The following DGKB variants were observed in gnomAD, a reference collection of about 807,000 sequenced individuals.
DGKB encodes the protein 90 kDa diacylglycerol kinase.
Under a neutral mutation model 114.3 loss-of-function variants are expected in DGKB, and 67 were observed. The observed-to-expected ratio is 0.59, with a 90% confidence interval of 0.48 to 0.72. The LOEUF is 0.72. Among genes scored for constraint, DGKB ranks in the 30% least tolerant of loss-of-function variants. The pLI is 0.00. For synonymous variants in DGKB, 398 were observed against 323.1 expected (o/e 1.23, Z -2.49); for missense variants, 907 against 975.2 (o/e 0.93, Z 0.93).
At chr7:14,690,896 TCA>T (rs1822731032) in intron 9 of DGKB, among the ~76,000 whole-genome samples, 1 of 152,204 alleles carries the variant, frequency 6.6e-6, no homozygotes, top group East Asian at 1.9e-4. Context: ...GTAATCAGAA[TCA>T]CAAAGCCATC....
chr7:14,649,610 A>G (rs1451768799), intron 13 of DGKB, among the ~76,000 whole-genome samples: 1 of 151,678 alleles, frequency 6.6e-6, no homozygotes, highest in Non-Finnish European at 1.5e-5. Context: ...TCACCAGCTA[A>G]CATCATAATG....
chr7:14,862,918 A>C (rs1400828923), intron 1 of DGKB, among the ~76,000 whole-genome samples: 1 of 151,606 alleles, frequency 6.6e-6, no homozygotes, highest in Non-Finnish European at 1.5e-5. Context: ...CTAACCTTTG[A>C]TTTTTTTTCT....
intron 13 of DGKB, among the ~76,000 whole-genome samples, chr7:14,636,269 C>T (rs995646255): frequency 6.6e-6 from 1 of 151,644 alleles, no homozygotes; most frequent in East Asian, 1.9e-4. Context: ...ACTCTTTTCC[C>T]CCGACCATAT....
Position 14,585,472 on chromosome 7 carries a change from G to T in DGKB, c.1434-2335C>A, listed in dbSNP as rs78605246. Among the ~76,000 whole-genome samples, 240 of 152,240 alleles carry T rather than the reference G, an allele frequency of 1.6e-3. 1 individual carries two copies. The highest frequency in any genetic ancestry group is 7.0e-3 in the South Asian group (34 of 4,830). On this transcript the variant is annotated intron_variant, in intron 17 of 25. Transcript: ENST00000402815. ...TACATTGGTACTCAGATTCATTCAT[G>T]TTGTAGCTGAAGCTTTTCCCACGTG...
chr7:14,539,129 A>C (rs1252505843), intron 20 of DGKB, among the ~76,000 whole-genome samples: 1 of 152,104 alleles, frequency 6.6e-6, no homozygotes, highest in African/African-American at 2.4e-5. Flanking sequence ...ATCAGAGTAG[A>C]TATCCTGTTA....
At chr7:14,372,342 T>A (rs921295197) in intron 21 of DGKB, among the ~76,000 whole-genome samples, 9 of 152,328 alleles carry the variant, frequency 5.9e-5, no homozygotes, top group Admixed American at 5.2e-4. Context: ...GATCTTTATG[T>A]ACTATCCTGC....
intron 1 of DGKB, among the ~76,000 whole-genome samples, chr7:14,948,652 A>G (rs957472772): frequency 6.6e-6 from 1 of 151,820 alleles, no homozygotes; most frequent in African/African-American, 2.4e-5. Context: ...AACAGACTAA[A>G]ATTCTGTCAG....
chr7:14,684,743 T>C (rs1411509920), intron 10 of DGKB, among the ~76,000 whole-genome samples: 3 of 152,160 alleles, frequency 2.0e-5, no homozygotes, highest in Non-Finnish European at 2.9e-5. Context: ...GCATTGAAAA[T>C]AATAGGCTTG....
intron 25 of DGKB, among the ~76,000 whole-genome samples, chr7:14,153,510 A>G (rs1243679106): frequency 6.6e-6 from 1 of 152,082 alleles, no homozygotes; most frequent in Non-Finnish European, 1.5e-5. Context: ...GGGTTCTGCT[A>G]CCTGCATAAC....
intron 6 of DGKB, 68 bp downstream of exon 6, chr7:14,718,474 T>C: frequency 7.1e-7 from 1 of 1,407,748 alleles, no homozygotes; most frequent in Non-Finnish European, 9.5e-7. Context: ...CAATTTTAAG[T>C]TAATCAATAT....
At chr7:14,614,065 G>A (rs1447622956) in intron 15 of DGKB, among the ~76,000 whole-genome samples, 7 of 152,140 alleles carry the variant, frequency 4.6e-5, no homozygotes, top group Admixed American at 4.6e-4. Flanking sequence ...GAATTGACTC[G>A]ACTATACGTC....
intron 22 of DGKB, among the ~76,000 whole-genome samples, chr7:14,340,739 G>C (rs886467078): frequency 1.3e-5 from 2 of 151,712 alleles, no homozygotes; most frequent in Non-Finnish European, 1.5e-5. Flanking sequence ...TTTCCCTGCT[G>C]TTAATTTATA....
chr7:14,764,722 T>A (rs1408218830), intron 2 of DGKB, among the ~76,000 whole-genome samples: 2 of 151,818 alleles, frequency 1.3e-5, no homozygotes, highest in Non-Finnish European at 2.9e-5. Flanking sequence ...GAATATATAT[T>A]TTGTCTGATT....
intron 16 of DGKB, among the ~76,000 whole-genome samples, chr7:14,608,571 G>A (rs564156450): frequency 6.6e-6 from 1 of 151,908 alleles, no homozygotes; most frequent in Non-Finnish European, 1.5e-5. Context: ...CATAGTTCTG[G>A]AAGTTCTAAT....
intron 23 of DGKB, among the ~76,000 whole-genome samples, chr7:14,328,729 A>C (rs1477416658): frequency 6.6e-6 from 1 of 152,018 alleles, no homozygotes; most frequent in Non-Finnish European, 1.5e-5. Flanking sequence ...CAGGTATTTG[A>C]ACTTTCTAAA....
chr7:14,568,976 T>C (rs1797988455), intron 20 of DGKB, among the ~76,000 whole-genome samples: 1 of 152,216 alleles, frequency 6.6e-6, no homozygotes, highest in African/African-American at 2.4e-5. Context: ...TGTTATAGCA[T>C]AAAGTTGAGA....
At chr7:14,904,493 C>G (rs903234939), upstream of DGKB, among the ~76,000 whole-genome samples, 6 of 151,876 alleles carry the variant, frequency 4.0e-5, no homozygotes, top group African/African-American at 1.5e-4. Flanking sequence ...AGAAAATAAC[C>G]CAAAAGGATT....
chr7:14,172,100 G>C (rs1584234561), intron 25 of DGKB, among the ~76,000 whole-genome samples: 1 of 152,200 alleles, frequency 6.6e-6, no homozygotes, highest in Non-Finnish European at 1.5e-5. Flanking sequence ...AGCAAGGAAT[G>C]AGCCTCAAAA....
chr7:14,341,684 G>T (rs1305679340), intron 22 of DGKB, among the ~76,000 whole-genome samples: 1 of 151,846 alleles, frequency 6.6e-6, no homozygotes, highest in African/African-American at 2.4e-5. Flanking sequence ...TAAAAGAAAA[G>T]AAGACGGTTT....
Sources: gnomAD v4.1 joint callset for allele counts (sites outside exome capture counted in the v4.1 genomes callset) on GRCh38, gnomAD v4.1.1 for gene constraint, MANE v1.5 for transcripts, NCBI Gene and HGNC (gene_info 2026-07-23, HGNC 2026-07-21) for gene names.